The following STAT5A variants were observed in gnomAD, a reference collection of about 807,000 sequenced individuals.
STAT5A encodes the protein epididymis secretory sperm binding protein.
Under a neutral mutation model 100.2 loss-of-function variants are expected in STAT5A, and 26 were observed. The ratio of observed to expected loss-of-function variants is 0.26; its 90% confidence interval spans 0.19 to 0.36. STAT5A has a LOEUF of 0.36. Among genes scored for constraint, STAT5A ranks in the 10% least tolerant of loss-of-function variants. STAT5A has a pLI of 1.00. For synonymous variants in STAT5A, 330 were observed against 424.3 expected (o/e 0.78, Z 2.73); for missense variants, 634 against 1,027.5 (o/e 0.62, Z 5.24).
Position 42,289,384 on chromosome 17 carries a change from G to A in STAT5A, c.-10-18G>A, listed in dbSNP as rs776286041. 1 of 1,593,512 alleles carries A rather than the reference G, an allele frequency of 6.3e-7. No homozygotes were observed. Among genetic ancestry groups the A allele is most frequent in the Non-Finnish European group, 8.5e-7 (1 of 1,170,796 alleles). ...GGCCTCTGCAGAGGAGAGCGCTTCA[G>A]CGCTCGGCTCGCCCTAGGTGAACGG... On this transcript the variant is annotated intron_variant, in intron 1 of 18. Transcript: ENST00000590949.
intron 4 of STAT5A, among the ~76,000 whole-genome samples, chr17:42,292,630 T>A (rs115837372): frequency 3.5e-5 from 5 of 144,894 alleles, no homozygotes; most frequent in Admixed American, 2.1e-4. Context: ...TGGCGCCTAC[T>A]GTTTTTTCCC....
intron 12 of STAT5A, 120 bp downstream of exon 12, chr17:42,305,822 T>A: frequency 9.4e-7 from 1 of 1,067,492 alleles, no homozygotes; most frequent in Non-Finnish European, 1.4e-6. Flanking sequence ...AGCCCAGAGG[T>A]GAGGTGAGGC....
At chr17:42,297,941 C>T (rs568755764) in intron 5 of STAT5A, among the ~76,000 whole-genome samples, 8 of 151,570 alleles carry the variant, frequency 5.3e-5, no homozygotes, top group African/African-American at 1.7e-4. Context: ...CATGCTGGTG[C>T]GCGCATCTTC....
chr17:42,289,257 G>T, intron 1 of STAT5A, 145 bp from the exon 2 acceptor site: 3 of 935,144 alleles, frequency 3.2e-6, no homozygotes, highest in Non-Finnish European at 4.5e-6. Flanking sequence ...CACCATCTCT[G>T]TTCCCGCACA....
intron 9 of STAT5A, among the ~76,000 whole-genome samples, chr17:42,302,550 G>A (rs948438768): frequency 1.3e-5 from 2 of 152,202 alleles, no homozygotes; most frequent in East Asian, 1.9e-4. Context: ...CAGTGTCAGG[G>A]CAGGCCACCC....
At chr17:42,294,250 C>T (rs753940638) in intron 4 of STAT5A, among the ~76,000 whole-genome samples, 77 of 151,802 alleles carry the variant, frequency 5.1e-4, no homozygotes, top group South Asian at 8.3e-4. Context: ...AACCAGGTCA[C>T]AAAGGGTCTT....
In STAT5A at chr17:42,288,907, C is replaced by T. The variant is rs1354943689; in HGVS notation, c.-11+309C>T. Among the ~76,000 whole-genome samples, 1 of 152,240 alleles carries T rather than the reference C, an allele frequency of 6.6e-6. No individual in the cohort carries two copies. Among genetic ancestry groups the T allele is most frequent in the African/African-American group, 2.4e-5 (1 of 41,472 alleles). On this transcript the variant is annotated intron_variant, in intron 1 of 18. Transcript: ENST00000590949. This position sits in a 1 kb window ranked among gnomAD's most constrained non-coding sequence, Gnocchi z 4.8. ...CAGCCGAAGAGGGGAGCGCCCAAGT[C>T]CTCAGCCCTGTCTCCTGAACAGCCC...
chr17:42,292,078 G>A lies in STAT5A; in HGVS notation c.375+17G>A, dbSNP rs2080874498. ...GCCAACAATGTGAGTGTCCCTTGGG[G>A]ATGGGGAGGAGTGTTGAGAAGTCCC... is the stretch of plus-strand genomic sequence containing the variant. On this transcript the variant is annotated intron_variant, in intron 4 of 18. Coordinates refer to ENST00000590949, the MANE Select transcript of STAT5A (RefSeq NM_001288718.2). 6.2e-7 allele frequency: 1 copy of A among 1,613,270 alleles called. No individual in the cohort carries two copies. Among genetic ancestry groups the A allele is most frequent in the Admixed American group, 1.7e-5 (1 of 59,974 alleles).
rs370781934 is a variant in STAT5A, at chr17:42,304,334, C to G, written c.1170-8C>G. 2 of 1,613,962 alleles carry G rather than the reference C, an allele frequency of 1.2e-6. No homozygotes were observed. The highest frequency in any genetic ancestry group is 2.7e-5 in the African/African-American group (2 of 74,938). ...CATGTGGAGCTGGGACCCCCCTCTC[C>G]TTTGCAGCGAGTGCAGTGGTGAGAT... On this transcript the variant is annotated splice_region_variant and splice_polypyrimidine_tract_variant and intron_variant, in intron 9 of 18. Transcript: ENST00000590949. The surrounding 1 kb of genome is among the most constrained non-coding windows in gnomAD (Gnocchi z 4.8).
At position 42,309,499 on chromosome 17, in the gene STAT5A, C is replaced by A; in HGVS notation, c.2222+15C>A. The A allele has an allele frequency of 6.2e-7, 1 of 1,612,362 alleles. No individual in the cohort carries two copies. The highest frequency in any genetic ancestry group is 1.1e-5 in the South Asian group (1 of 90,970). On this transcript the variant is annotated intron_variant, in intron 18 of 18. Transcript: ENST00000590949. Reference sequence around the variant, plus strand: ...TACCCACAGAAGTAGGTGGTGTTCTCATGGGGTCCGCAGGGGAAGAACTGG... The same window carrying A: ...TACCCACAGAAGTAGGTGGTGTTCTAATGGGGTCCGCAGGGGAAGAACTGG...
chr17:42,310,473 C>A (rs775929432), intron 18 of STAT5A, 34 bp from the exon 19 acceptor site: 1 of 1,610,828 alleles, frequency 6.2e-7, no homozygotes, highest in Non-Finnish European at 8.5e-7. Context: ...GTGAGACATG[C>A]CAGCTCCCTC....
rs943411415 is a variant in STAT5A at position 42,311,108 on chromosome 17, CAG to C, written c.*449_*450del. On this transcript the variant is annotated 3_prime_UTR_variant, in exon 19 of 19. Coordinates refer to ENST00000590949, the MANE Select transcript of STAT5A (RefSeq NM_001288718.2). Reference sequence around the variant, plus strand: ...CTCCTAAGAGAGAGAGACAGAGAGACAGAGAGAGAGAAAGAGAGAGTGTGTGG... The same window carrying C: ...CTCCTAAGAGAGAGAGACAGAGAGACAGAGAGAGAAAGAGAGAGTGTGTGG... 28 of 207,104 alleles carry C rather than the reference CAG, an allele frequency of 1.4e-4. No individual in the cohort carries two copies. The highest frequency in any genetic ancestry group is 7.1e-4 in the East Asian group (7 of 9,822). The allele number at this position is 207,104 out of a possible 1,614,324, so 12.8% of individuals were successfully genotyped here. A position where few individuals can be genotyped will look rare whatever the true frequency, so the allele number is the denominator to read the frequency against.
chr17:42,290,241 A>T, intron 3 of STAT5A: 1 of 555,658 alleles, frequency 1.8e-6, no homozygotes, highest in Non-Finnish European at 2.9e-6. Flanking sequence ...TGTTGCCAAC[A>T]GAGAGAGATG....
intron 5 of STAT5A, 28 bp downstream of exon 5, chr17:42,295,821 C>T: frequency 6.2e-7 from 1 of 1,611,118 alleles, no homozygotes; most frequent in Non-Finnish European, 8.5e-7. Flanking sequence ...CAGTGTGCAT[C>T]CGGAGGGTGG....
At position 42,301,184 on chromosome 17, in the gene STAT5A, G is replaced by C. The variant is rs1008417654; in HGVS notation, c.990-91G>C. On this transcript the variant is annotated intron_variant, in intron 8 of 18. Transcript: ENST00000590949. ...AGCTCATCACCTCCTGAGCCCCATG[G>C]GAGGCAGCCCCACCCCCACCACAGA... 5.8e-6 allele frequency: 9 copies of C among 1,552,798 alleles called. No homozygotes were observed. In the Admixed American group the frequency reaches 7.2e-5, roughly 12 times the overall value.
rs761224730 is a variant in STAT5A at position 42,304,704 on chromosome 17, GA to G, written c.1380+53del. The G allele has an allele frequency of 4.9e-5, 79 of 1,607,332 alleles. No homozygotes were observed. The highest frequency in any genetic ancestry group is 6.5e-5 in the Non-Finnish European group (76 of 1,176,376). On this transcript the variant is annotated intron_variant, in intron 11 of 18. Coordinates refer to ENST00000590949, the MANE Select transcript of STAT5A (RefSeq NM_001288718.2). The surrounding 1 kb of genome is among the most constrained non-coding windows in gnomAD (Gnocchi z 4.8). ...ACTGCTCCAGGTCACCCAAGAGGTG[GA>G]GGGGCCTGCCTCAGGACTCCTGGCA...
In STAT5A at chr17:42,304,635, C is replaced by T. The variant is rs2081011277; in HGVS notation, c.1363C>T (p.Leu455Phe). 8 of 1,614,174 alleles carry T rather than the reference C, an allele frequency of 5.0e-6. No homozygotes were observed. The Middle Eastern group carries it at 6.6e-4, about 133-fold the overall frequency. ...TCAGTTCAGTGTTGGCAGCAATGAGCTTGTGTTCCAGGTGAAGGTGAGACC... is the reference window on the plus strand; with the variant it reads ...TCAGTTCAGTGTTGGCAGCAATGAGTTTGTGTTCCAGGTGAAGGTGAGACC... Reference protein sequence around the residue: ...ESQFSVGSNELVFQVKTLSLP... With the variant: ...ESQFSVGSNEFVFQVKTLSLP... Residue 455 changes from leucine (L) to phenylalanine (F), a missense_variant, in exon 11 of 19, where the codon CTT becomes TTT. Physicochemically the swap from Leu to Phe is conservative, Grantham distance 22. Transcript: ENST00000590949. The surrounding 1 kb of genome is among the most constrained non-coding windows in gnomAD (Gnocchi z 4.8).
rs942922192 is a variant in STAT5A, at chr17:42,295,689, A to G, written c.446A>G (p.Glu149Gly). The G allele has an allele frequency of 1.2e-6, 2 of 1,613,798 alleles. No homozygotes were observed. The highest frequency in any genetic ancestry group is 1.7e-6 in the Non-Finnish European group (2 of 1,179,960). Residue 149 changes from glutamate to glycine, a missense_variant, in exon 5 of 19, where the codon GAG becomes GGG. Glu to Gly is a moderately conservative substitution (Grantham distance 98, BLOSUM62 -2). Transcript: ENST00000590949. ...QKHLQINQTF[E>G]ELRLVTQDTE... ...CACCTTCAGATCAACCAGACATTTGAGGAGCTGCGACTGGTCACGCAGGAC... is the reference window on the plus strand; with the variant it reads ...CACCTTCAGATCAACCAGACATTTGGGGAGCTGCGACTGGTCACGCAGGAC...
intron 7 of STAT5A, 77 bp from the exon 8 acceptor site, chr17:42,300,638 C>T (rs2080967838): frequency 3.1e-6 from 5 of 1,611,834 alleles, no homozygotes; most frequent in Middle Eastern, 1.9e-4. Flanking sequence ...CCTGGGGGAA[C>T]GGGAGCTGTG....
Sources: allele counts gnomAD v4.1 joint callset (sites outside exome capture counted in the v4.1 genomes callset), GRCh38; gene constraint gnomAD v4.1.1; non-coding constraint Gnocchi (gnomAD v3.1); transcripts MANE v1.5; gene names NCBI Gene and HGNC (gene_info 2026-07-23, HGNC 2026-07-21).